ITGBL1: variants seen among roughly 807,000 people sequenced by gnomAD.
ITGBL1 encodes integrin subunit beta like 1.
ITGBL1 carries 51 observed loss-of-function variants against 68.5 expected under a neutral mutation model. The observed-to-expected ratio is 0.74, with a 90% CI of 0.59 to 0.94. The LOEUF (loss-of-function observed/expected upper bound fraction) is 0.94. Among genes scored for constraint, ITGBL1 ranks in the 40% least tolerant of loss-of-function variants. The probability of loss-of-function intolerance (pLI) is 0.00; values close to 1 mark genes in which losing one functional copy is unlikely to be tolerated. For missense variants in ITGBL1, 649 were observed against 647.4 expected, an observed-to-expected ratio of 1.00 and a Z score of -0.03; for synonymous variants, 209 against 227.3, an observed-to-expected ratio of 0.92 and a Z score of 0.72.
intron 8 of ITGBL1, among the ~76,000 whole-genome samples, chr13:101,704,587 A>G (rs1293571797): frequency 6.6e-6 from 1 of 151,978 alleles, no homozygotes; most frequent in Non-Finnish European, 1.5e-5. Flanking sequence ...AGAGACTTGC[A>G]AGGAGAGAAA....
chr13:101,610,562 A>T (rs1358998971), intron 7 of ITGBL1, among the ~76,000 whole-genome samples: 1 of 152,182 alleles, frequency 6.6e-6, no homozygotes, highest in Non-Finnish European at 1.5e-5. Context: ...TCTCTGGGCT[A>T]AGCTAGTGGT....
chr13:101,530,527 C>A (rs1337260781), intron 2 of ITGBL1, among the ~76,000 whole-genome samples: 3 of 152,130 alleles, frequency 2.0e-5, no homozygotes, highest in Non-Finnish European at 4.4e-5. Flanking sequence ...CAGCCCTTCC[C>A]TTTTGGTGGA....
At chr13:101,616,712 A>T (rs1246234622) in intron 7 of ITGBL1, among the ~76,000 whole-genome samples, 1 of 152,066 alleles carries the variant, frequency 6.6e-6, no homozygotes, top group Non-Finnish European at 1.5e-5. Flanking sequence ...GCTGTTCTCA[A>T]ACTCCTGACT....
chr13:101,692,531 C>T, intron 7 of ITGBL1, 54 bp from the exon 8 acceptor site: 1 of 1,211,178 alleles, frequency 8.3e-7, no homozygotes, highest in South Asian at 1.2e-5. Flanking sequence ...CCTTGAAAGC[C>T]TTAGTGATTC....
At chr13:101,491,732 C>T (rs918754152) in intron 2 of ITGBL1, among the ~76,000 whole-genome samples, 2 of 152,120 alleles carry the variant, frequency 1.3e-5, no homozygotes, top group Non-Finnish European at 2.9e-5. Context: ...CCCATTAACT[C>T]GTCATCTGCG....
At chr13:101,601,849 C>T (rs1281172575) in intron 7 of ITGBL1, among the ~76,000 whole-genome samples, 8 of 152,070 alleles carry the variant, frequency 5.3e-5, no homozygotes, top group Non-Finnish European at 1.0e-4. Context: ...GAGTGCTTTA[C>T]TTCCAAGTAT....
At chr13:101,618,436 A>G (rs193002139) in intron 7 of ITGBL1, among the ~76,000 whole-genome samples, 1 of 152,334 alleles carries the variant, frequency 6.6e-6, no homozygotes, top group Admixed American at 6.5e-5. Context: ...TGAGCATATA[A>G]GAAAACTATA....
chr13:101,592,159 A>G (rs1294448748), intron 6 of ITGBL1, among the ~76,000 whole-genome samples: 1 of 152,142 alleles, frequency 6.6e-6, no homozygotes, highest in African/African-American at 2.4e-5. Flanking sequence ...GTTTCTCACA[A>G]TTCTTTGCAA....
chr13:101,612,211 A>G (rs925845370), intron 7 of ITGBL1, among the ~76,000 whole-genome samples: 1 of 152,220 alleles, frequency 6.6e-6, no homozygotes, highest in Non-Finnish European at 1.5e-5. Context: ...GGATGTTGGT[A>G]AATAATACCA....
At chr13:101,692,750 A>T (rs778060422) in intron 8 of ITGBL1, 49 bp downstream of exon 8, 6 of 1,178,022 alleles carry the variant, frequency 5.1e-6, no homozygotes, top group Non-Finnish European at 7.7e-6. Flanking sequence ...AACTTGCTTT[A>T]CCTGCCTTTG....
chr13:101,551,925 T>C (rs2049927694), intron 2 of ITGBL1, among the ~76,000 whole-genome samples: 1 of 152,136 alleles, frequency 6.6e-6, no homozygotes, highest in Non-Finnish European at 1.5e-5. Flanking sequence ...ATATAGCCCA[T>C]GGGTCAAGAG....
intron 6 of ITGBL1, among the ~76,000 whole-genome samples, chr13:101,595,216 G>C (rs2029890662): frequency 6.6e-6 from 1 of 152,216 alleles, no homozygotes; most frequent in Non-Finnish European, 1.5e-5. Context: ...GCTGAAAGTG[G>C]AGGCAGAGCT....
chr13:101,525,410 G>T (rs1371195404), intron 2 of ITGBL1, among the ~76,000 whole-genome samples: 1 of 151,790 alleles, frequency 6.6e-6, no homozygotes, highest in African/African-American at 2.4e-5. Flanking sequence ...GTTAGTTGGG[G>T]TCACCTTGTC....
chr13:101,585,324 CT>C (rs1404475982), intron 6 of ITGBL1, among the ~76,000 whole-genome samples: 3 of 152,138 alleles, frequency 2.0e-5, no homozygotes, highest in Admixed American at 2.0e-4. Flanking sequence ...TTTTCCCAGC[CT>C]GTTGAATATG....
chr13:101,605,019 T>C (rs1344211501), intron 7 of ITGBL1, among the ~76,000 whole-genome samples: 3 of 137,576 alleles, frequency 2.2e-5, no homozygotes, highest in African/African-American at 8.0e-5. Context: ...TGCGTATATG[T>C]GTATATGTAT....
chr13:101,708,486 G>C (rs527797327), intron 9 of ITGBL1, among the ~76,000 whole-genome samples: 1 of 152,276 alleles, frequency 6.6e-6, no homozygotes, highest in African/African-American at 2.4e-5. Flanking sequence ...GCAAAAGTGT[G>C]CTAGAGACAC....
chr13:101,566,045 T>G (rs1168372134), intron 2 of ITGBL1, among the ~76,000 whole-genome samples: 1 of 152,160 alleles, frequency 6.6e-6, no homozygotes, highest in Non-Finnish European at 1.5e-5. Context: ...TAATATAAAA[T>G]TTAAAAAATC....
chr13:101,498,917 G>C (rs2048898085), intron 2 of ITGBL1, among the ~76,000 whole-genome samples: 1 of 152,138 alleles, frequency 6.6e-6, no homozygotes, highest in African/African-American at 2.4e-5. Context: ...GTCTTACATG[G>C]CAGTGGGCAA....
At chr13:101,717,244 C>T (rs1372182198), downstream of ITGBL1, 1 of 151,990 alleles carries the variant, frequency 6.6e-6, no homozygotes, top group Admixed American at 6.6e-5. Flanking sequence ...TTTAAGAGAA[C>T]ATTTAACTGA....
Sources: gnomAD v4.1 joint callset for allele counts (sites outside exome capture counted in the v4.1 genomes callset) on GRCh38, gnomAD v4.1.1 for gene constraint, MANE v1.5 for transcripts, NCBI Gene and HGNC (gene_info 2026-07-23, HGNC 2026-07-21) for gene names.